The following CSGALNACT1 variants were observed in gnomAD, a reference collection of about 807,000 sequenced individuals.
CSGALNACT1 encodes beta4GalNAcT-1.
Under a neutral mutation model 51.0 loss-of-function variants are expected in CSGALNACT1, and 52 were observed. The ratio of observed to expected loss-of-function variants is 1.02; its 90% confidence interval spans 0.82 to 1.29. CSGALNACT1 has a LOEUF of 1.29. Ranked by LOEUF, CSGALNACT1 falls within the 50% of genes most tolerant of loss-of-function variation. CSGALNACT1 has a pLI of 0.00. For synonymous variants in CSGALNACT1, 341 were observed against 254.4 expected, an observed-to-expected ratio of 1.34 and a Z score of -3.24; for missense variants, 935 against 679.2, an observed-to-expected ratio of 1.38 and a Z score of -4.19.
intron 3 of CSGALNACT1, among the ~76,000 whole-genome samples, chr8:19,569,123 T>C (rs1444890622): frequency 6.6e-6 from 1 of 152,188 alleles, no homozygotes; most frequent in East Asian, 1.9e-4. Context: ...GAGACAGATA[T>C]GGAGTACACA....
chr8:19,747,401 C>T (rs1055105187), intron 1 of CSGALNACT1, among the ~76,000 whole-genome samples: 3 of 152,198 alleles, frequency 2.0e-5, no homozygotes, highest in African/African-American at 7.2e-5. Flanking sequence ...CTGGTGCAGA[C>T]TCATTCTTGG....
intron 3 of CSGALNACT1, among the ~76,000 whole-genome samples, chr8:19,572,939 G>C (rs115526779): frequency 6.6e-6 from 1 of 152,184 alleles, no homozygotes; most frequent in African/African-American, 2.4e-5. Flanking sequence ...CCTAAATATC[G>C]TATTTGAAAA....
At chr8:19,635,921 G>T (rs1270108307) in intron 1 of CSGALNACT1, among the ~76,000 whole-genome samples, 2 of 152,046 alleles carry the variant, frequency 1.3e-5, no homozygotes, top group Non-Finnish European at 2.9e-5. Context: ...GTAGAGACAG[G>T]GTTTCACCAT....
intron 1 of CSGALNACT1, among the ~76,000 whole-genome samples, chr8:19,710,085 T>C (rs1323942983): frequency 6.6e-6 from 1 of 152,190 alleles, no homozygotes. Context: ...GAAATACTTC[T>C]AGGAAAACAC....
In CSGALNACT1 at chr8:19,553,021, C is replaced by T. The variant is rs1463280799; in HGVS notation, c.-297+38139G>A. On this transcript the variant is annotated intron_variant, in intron 3 of 9. Transcript: ENST00000454498. ...GCACATGACGTCTGCCTCCACTGTG[C>T]ATTTGATTTTTATGTTATCGTTTTT... Among the ~76,000 whole-genome samples, 3 of 152,238 alleles carry T rather than the reference C, an allele frequency of 2.0e-5. No homozygotes were observed. The East Asian group carries it at 5.8e-4, about 29-fold the overall frequency.
intron 2 of CSGALNACT1, among the ~76,000 whole-genome samples, chr8:19,593,939 A>G (rs1363811718): frequency 6.6e-6 from 1 of 152,174 alleles, no homozygotes; most frequent in Non-Finnish European, 1.5e-5. Flanking sequence ...AGGCTGCTTC[A>G]GGATGGAAGG....
intron 3 of CSGALNACT1, among the ~76,000 whole-genome samples, chr8:19,523,888 T>A (rs139245719): frequency 6.6e-6 from 1 of 152,274 alleles, no homozygotes; most frequent in East Asian, 1.9e-4. Flanking sequence ...GAGAGAAAGA[T>A]CATCTGTTTG....
intron 3 of CSGALNACT1, among the ~76,000 whole-genome samples, chr8:19,538,549 G>A (rs749663825): frequency 6.6e-6 from 1 of 152,170 alleles, no homozygotes; most frequent in South Asian, 2.1e-4. Context: ...AGGATTAAAG[G>A]ACTGGGTAAT....
chr8:19,657,678 A>C (rs1013859024), intron 1 of CSGALNACT1, among the ~76,000 whole-genome samples: 20 of 152,342 alleles, frequency 1.3e-4, no homozygotes, highest in African/African-American at 4.6e-4. Flanking sequence ...ACATCTTAAG[A>C]ATAAGGGCAA....
intron 1 of CSGALNACT1, among the ~76,000 whole-genome samples, chr8:19,691,750 C>T (rs555337389): frequency 1.3e-4 from 20 of 152,246 alleles, no homozygotes; most frequent in East Asian, 9.7e-4. Context: ...GCTAACTATA[C>T]GGGTCTGGAA....
At chr8:19,437,653 T>C (rs968906930) in intron 6 of CSGALNACT1, among the ~76,000 whole-genome samples, 2 of 152,216 alleles carry the variant, frequency 1.3e-5, no homozygotes, top group African/African-American at 2.4e-5. Flanking sequence ...CAACCAGGTA[T>C]AGGTATAGGT....
At chr8:19,743,895 C>T (rs1284038354) in intron 1 of CSGALNACT1, among the ~76,000 whole-genome samples, 3 of 152,026 alleles carry the variant, frequency 2.0e-5, no homozygotes, top group African/African-American at 7.3e-5. Context: ...CTCTTAATGG[C>T]CCAATAGCAC....
intron 3 of CSGALNACT1, among the ~76,000 whole-genome samples, chr8:19,541,552 A>C (rs2085142543): frequency 2.9e-5 from 2 of 69,296 alleles, no homozygotes; most frequent in African/African-American, 1.7e-4. Flanking sequence ...GTGCTCAGCC[A>C]ATTTTTTTTT....
intron 8 of CSGALNACT1, among the ~76,000 whole-genome samples, chr8:19,411,406 A>G (rs2055698690): frequency 6.6e-6 from 1 of 152,216 alleles, no homozygotes; most frequent in Non-Finnish European, 1.5e-5. Flanking sequence ...CACCCAGAAC[A>G]TTGTCCAGCA....
intron 3 of CSGALNACT1, among the ~76,000 whole-genome samples, chr8:19,508,807 G>C (rs576828856): frequency 6.6e-6 from 1 of 152,176 alleles, no homozygotes; most frequent in Non-Finnish European, 1.5e-5. Context: ...TTGCATAAAA[G>C]ATGAAAAGCA....
chr8:19,603,736 T>C (rs1442221454), upstream of CSGALNACT1, among the ~76,000 whole-genome samples: 2 of 152,244 alleles, frequency 1.3e-5, no homozygotes, highest in Non-Finnish European at 2.9e-5. Context: ...GCTCCATCAC[T>C]GGCATGGTCT....
At chr8:19,571,739 C>T (rs1383659700) in intron 3 of CSGALNACT1, among the ~76,000 whole-genome samples, 2 of 152,194 alleles carry the variant, frequency 1.3e-5, no homozygotes, top group Non-Finnish European at 2.9e-5. Context: ...CTATTTCAGC[C>T]ACTGACTTTT....
At chr8:19,652,119 A>T (rs1277455014) in intron 1 of CSGALNACT1, among the ~76,000 whole-genome samples, 2 of 151,616 alleles carry the variant, frequency 1.3e-5, no homozygotes, top group African/African-American at 4.8e-5. Context: ...ATTTTTATTT[A>T]TTTTTTTCTT....
At chr8:19,544,050 T>A (rs910063885) in intron 3 of CSGALNACT1, among the ~76,000 whole-genome samples, 2 of 152,020 alleles carry the variant, frequency 1.3e-5, no homozygotes, top group Admixed American at 1.3e-4. Context: ...GCTAATGTAA[T>A]GGGTTTTCTA....
Sources: allele counts gnomAD v4.1 joint callset (sites outside exome capture counted in the v4.1 genomes callset), GRCh38; gene constraint gnomAD v4.1.1; transcripts MANE v1.5; gene names NCBI Gene and HGNC (gene_info 2026-07-23, HGNC 2026-07-21).